HYDIN: variants seen among roughly 807,000 people sequenced by gnomAD.
HYDIN encodes the protein HYDIN axonemal central pair apparatus protein.
In HYDIN, 132 loss-of-function variants were observed where a neutral mutation model predicts 403.9. The ratio of observed to expected loss-of-function variants is 0.33; its 90% CI spans 0.28 to 0.38. The LOEUF (loss-of-function observed/expected upper bound fraction) is 0.38, where lower values mean the gene tolerates loss of function less well. HYDIN is among the 10% of genes least tolerant of loss of function. The pLI, the probability that HYDIN is intolerant of heterozygous loss-of-function variation, is 1.00. For missense variants in HYDIN, 2,827 were observed against 5,009.5 expected, an observed-to-expected ratio of 0.56 and a Z score of 13.15; for synonymous variants, 1,202 against 1,891.7, an observed-to-expected ratio of 0.64 and a Z score of 9.46.
chr16:70,989,235 C>T (rs2079268782), intron 25 of HYDIN, among the ~76,000 whole-genome samples: 1 of 151,966 alleles, frequency 6.6e-6, no homozygotes, highest in Non-Finnish European at 1.5e-5. Context: ...CCTGGAGTCT[C>T]GTTATGTTGC....
intron 5 of HYDIN, among the ~76,000 whole-genome samples, chr16:71,165,599 C>G (rs916338085): frequency 2.0e-5 from 3 of 151,674 alleles, no homozygotes; most frequent in African/African-American, 7.3e-5. Flanking sequence ...TAGAACAGAG[C>G]CTAGTATCTA....
chr16:71,076,493 T>A (rs1307428964), intron 13 of HYDIN, among the ~76,000 whole-genome samples: 2 of 117,202 alleles, frequency 1.7e-5, no homozygotes, highest in South Asian at 2.8e-4. Context: ...GGCCAGTGCC[T>A]CAGTGCCCCC....
At chr16:71,028,159 C>T (rs1000192503) in intron 19 of HYDIN, among the ~76,000 whole-genome samples, 22 of 151,560 alleles carry the variant, frequency 1.5e-4, no homozygotes, top group Non-Finnish European at 2.9e-4. Context: ...GAAAAGCAAT[C>T]CCATTTAGAA....
rs767375464 is a variant in HYDIN at position 70,904,518 on chromosome 16, T to TTTTTTTTTTTTTG, written c.8517-455_8517-454insCAAAAAAAAAAAA. On this transcript the variant is annotated intron_variant, in intron 50 of 85. Coordinates refer to ENST00000393567, the MANE Select transcript of HYDIN (RefSeq NM_001270974.2). ...TTTTTTTTTTTTTTTTTTTTTTTTTTTGAGGGAGTTTCGTTCTTGTTGCCC... is the reference window on the plus strand; with the variant it reads ...TTTTTTTTTTTTTTTTTTTTTTTTTTTTTTTTTTTTTTGTGAGGGAGTTTCGTTCTTGTTGCCC... 8.1e-3 allele frequency among the ~76,000 whole-genome samples: 301 copies of TTTTTTTTTTTTTG among 37,006 alleles called. 107 individuals are homozygous for TTTTTTTTTTTTTG. Among genetic ancestry groups the TTTTTTTTTTTTTG allele is most frequent in the Non-Finnish European group, 0.012 (227 of 19,118 alleles). The allele number at this position is 37,006 out of a possible 152,430, so 24.3% of individuals were successfully genotyped here. A position where few individuals can be genotyped will look rare whatever the true frequency, so the allele number is the denominator to read the frequency against.
chr16:71,210,868 A>G (rs2088550775), intron 1 of HYDIN, among the ~76,000 whole-genome samples: 1 of 152,134 alleles, frequency 6.6e-6, no homozygotes, highest in African/African-American at 2.4e-5. Context: ...GTTAGTAGTC[A>G]TATTATTATA....
At chr16:71,209,791 C>G (rs1188290433) in intron 1 of HYDIN, among the ~76,000 whole-genome samples, 1 of 151,944 alleles carries the variant, frequency 6.6e-6, no homozygotes, top group South Asian at 2.1e-4. Flanking sequence ...TAACAATTAC[C>G]ACAAAAACAA....
At chr16:71,189,369 C>A (rs2087307396) in intron 1 of HYDIN, among the ~76,000 whole-genome samples, 1 of 152,116 alleles carries the variant, frequency 6.6e-6, no homozygotes, top group Non-Finnish European at 1.5e-5. Context: ...ACGGGAAAAT[C>A]AATTCTTAAA....
chr16:70,882,609 TC>T (rs755035031), intron 60 of HYDIN, 50 bp downstream of exon 60: 1 of 1,345,820 alleles, frequency 7.4e-7, no homozygotes. Context: ...GAGCCCTTTT[TC>T]CAGCTTTATG....
intron 10 of HYDIN, among the ~76,000 whole-genome samples, chr16:71,106,657 T>C (rs577327565): frequency 6.6e-6 from 1 of 152,264 alleles, no homozygotes; most frequent in East Asian, 1.9e-4. Context: ...TTCCCTGTTT[T>C]TTCCTGTCTC....
chr16:71,201,573 G>T (rs914654509), intron 1 of HYDIN, among the ~76,000 whole-genome samples: 4 of 152,116 alleles, frequency 2.6e-5, no homozygotes, highest in Non-Finnish European at 4.4e-5. Context: ...AGCCAATGAG[G>T]CTTAATTCTG....
chr16:71,185,771 T>C (rs2144666140), intron 2 of HYDIN, among the ~76,000 whole-genome samples: 1 of 152,308 alleles, frequency 6.6e-6, no homozygotes, highest in Middle Eastern at 3.4e-3. Flanking sequence ...TGCAGGGAGA[T>C]TATGATCATT....
intron 36 of HYDIN, among the ~76,000 whole-genome samples, chr16:70,967,510 C>G (rs1423968514): frequency 6.6e-6 from 1 of 151,614 alleles, no homozygotes; most frequent in African/African-American, 2.4e-5. Flanking sequence ...GAGACAGAGT[C>G]TCGCTCTGTC....
At chr16:71,033,206 A>G (rs999686857) in intron 18 of HYDIN, among the ~76,000 whole-genome samples, 1 of 152,244 alleles carries the variant, frequency 6.6e-6, no homozygotes, top group African/African-American at 2.4e-5. Context: ...AGGAGGCCAG[A>G]GTGAAACTAC....
At chr16:71,005,246 A>T (rs1461877115) in intron 23 of HYDIN, among the ~76,000 whole-genome samples, 2 of 152,170 alleles carry the variant, frequency 1.3e-5, no homozygotes, top group Non-Finnish European at 2.9e-5. Context: ...ACTTTAAGCA[A>T]TGATAGAAAT....
At chr16:71,042,481 A>T in intron 18 of HYDIN, among the ~76,000 whole-genome samples, 1 of 149,680 alleles carries the variant, frequency 6.7e-6, no homozygotes, top group Non-Finnish European at 1.5e-5. Flanking sequence ...TCTCTCTTTC[A>T]CTTTCTTCTC....
At chr16:71,067,435 C>T (rs2082311940) in intron 14 of HYDIN, 45 bp from the exon 15 acceptor site, 3 of 1,230,608 alleles carry the variant, frequency 2.4e-6, no homozygotes, top group African/African-American at 3.0e-5. Context: ...AAAGCACGTT[C>T]TCTCTACACG....
chr16:71,005,435 G>A (rs1319350928), intron 23 of HYDIN, among the ~76,000 whole-genome samples: 1 of 152,054 alleles, frequency 6.6e-6, no homozygotes, highest in Non-Finnish European at 1.5e-5. Flanking sequence ...ATCACATGGT[G>A]AGAAGGTGGC....
chr16:70,808,090 C>T, intron 85 of HYDIN, 28 bp from the exon 86 acceptor site: 3 of 1,573,306 alleles, frequency 1.9e-6, no homozygotes, highest in Non-Finnish European at 2.6e-6. Context: ...AAACTCAGCT[C>T]ACGTGAGATC....
At chr16:71,188,178 C>T (rs961400792) in intron 1 of HYDIN, among the ~76,000 whole-genome samples, 2 of 152,016 alleles carry the variant, frequency 1.3e-5, no homozygotes, top group East Asian at 1.9e-4. Context: ...TTTTTCCCCC[C>T]GCCCTAGGTT....
Sources: allele counts gnomAD v4.1 joint callset (sites outside exome capture counted in the v4.1 genomes callset), GRCh38; gene constraint gnomAD v4.1.1; transcripts MANE v1.5; gene names NCBI Gene and HGNC (gene_info 2026-07-23, HGNC 2026-07-21).